CABLES1: variants seen among roughly 807,000 people sequenced by gnomAD.
CABLES1 encodes the protein Cdk5 and Abl enzyme substrate 1.
CABLES1 carries 36 observed loss-of-function variants against 57.8 expected under a neutral mutation model. That is an observed-to-expected ratio of 0.62 (90% CI 0.48 to 0.82). CABLES1 has a LOEUF of 0.82. CABLES1 is among the 40% of genes least tolerant of loss of function. The probability of loss-of-function intolerance (pLI) is 0.00; values close to 1 mark genes in which losing one functional copy is unlikely to be tolerated. For missense variants in CABLES1, 767 were observed against 836.6 expected (o/e 0.92, Z 1.03); for synonymous variants, 374 against 363.0 (o/e 1.03, Z -0.35).
intron 9 of CABLES1, among the ~76,000 whole-genome samples, chr18:23,256,528 T>C (rs2048171092): frequency 6.6e-6 from 1 of 152,228 alleles, no homozygotes; most frequent in Admixed American, 6.5e-5. Context: ...TTGCCCAGGC[T>C]GGAGTTCGGT....
Position 23,168,142 on chromosome 18 carries a change from A to G in CABLES1, c.846-20696A>G, listed in dbSNP as rs561958358. Among the ~76,000 whole-genome samples, 311 of 152,334 alleles carry G rather than the reference A, an allele frequency of 2.0e-3. 1 individual carries two copies. The highest frequency in any genetic ancestry group is 7.1e-3 in the African/African-American group (296 of 41,588). On this transcript the variant is annotated intron_variant, in intron 1 of 9. Coordinates refer to ENST00000256925, the MANE Select transcript of CABLES1 (RefSeq NM_001100619.3). ...TGCCCTTTCAGAGTAGGGAAAAAGC[A>G]GGTGTGGAATTTGCACACCCATGTT...
At chr18:23,184,404 T>C (rs114607271) in intron 1 of CABLES1, among the ~76,000 whole-genome samples, 101 of 151,882 alleles carry the variant, frequency 6.6e-4, no homozygotes, top group African/African-American at 2.3e-3. Context: ...TTATAAACAA[T>C]AGAAATGTAT....
chr18:23,179,024 A>C (rs2145001485), intron 1 of CABLES1, among the ~76,000 whole-genome samples: 1 of 152,306 alleles, frequency 6.6e-6, no homozygotes, highest in East Asian at 1.9e-4. Flanking sequence ...GGTGGCTCAC[A>C]CCAGTAATCC....
At position 23,225,162 on chromosome 18, in the gene CABLES1, C is replaced by T. The variant is rs535177659; in HGVS notation, c.1089-9446C>T. ...GATTACAGGTGTGAGCCACCGTGCC[C>T]GGCCATCACAGAGCTATTATGTTGC... On this transcript the variant is annotated intron_variant, in intron 4 of 9. Transcript: ENST00000256925. 6.6e-5 allele frequency among the ~76,000 whole-genome samples: 10 copies of T among 152,320 alleles called. No individual in the cohort carries two copies. In the South Asian group the frequency reaches 1.2e-3, roughly 19 times the overall value.
Position 23,246,602 on chromosome 18 carries a change from A to G in CABLES1, c.1447-6358A>G, listed in dbSNP as rs375686556. ...GAGATGGGGTTTCACCGTGTTAGCCAGGATGGTCTCGATCTCCTGACCTTG... is the reference window on the plus strand; with the variant it reads ...GAGATGGGGTTTCACCGTGTTAGCCGGGATGGTCTCGATCTCCTGACCTTG... On this transcript the variant is annotated intron_variant, in intron 7 of 9. Coordinates refer to ENST00000256925, the MANE Select transcript of CABLES1 (RefSeq NM_001100619.3). 5.6e-4 allele frequency among the ~76,000 whole-genome samples: 85 copies of G among 151,972 alleles called. 1 individual carries two copies. The highest frequency in any genetic ancestry group is 1.9e-3 in the East Asian group (10 of 5,132).
At chr18:23,207,484 ACCTTGCCT>A (rs1163448913) in intron 3 of CABLES1, among the ~76,000 whole-genome samples, 2 of 152,134 alleles carry the variant, frequency 1.3e-5, no homozygotes, top group African/African-American at 4.8e-5. Flanking sequence ...CAGGAAGCCC[ACCTTGCCT>A]CCTTTAGGCT....
At chr18:23,138,694 G>A (rs2046838625) in intron 1 of CABLES1, among the ~76,000 whole-genome samples, 1 of 152,232 alleles carries the variant, frequency 6.6e-6, no homozygotes, top group South Asian at 2.1e-4. Flanking sequence ...ACTTGAATAA[G>A]GCCCGAGGCC....
chr18:23,227,092 CCTTAA>C (rs2047533284), intron 4 of CABLES1: 1 of 152,082 alleles, frequency 6.6e-6, no homozygotes, highest in African/African-American at 2.4e-5. Flanking sequence ...GTGTTTATAT[CCTTAA>C]CTTTTGGCAT....
chr18:23,217,384 G>A (rs1373297911), intron 4 of CABLES1, among the ~76,000 whole-genome samples: 1 of 152,102 alleles, frequency 6.6e-6, no homozygotes, highest in Admixed American at 6.5e-5. Flanking sequence ...TACCCAGCTA[G>A]AAGAGGATTT....
In CABLES1 at chr18:23,248,553, C is replaced by T. The variant is rs552295801; in HGVS notation, c.1447-4407C>T. Among the ~76,000 whole-genome samples, 17 of 114,860 alleles carry T rather than the reference C, an allele frequency of 1.5e-4. No homozygotes were observed. In the South Asian group the frequency reaches 2.7e-3, roughly 19 times the overall value. 75.4% of individuals were successfully genotyped at this position (114,860 alleles called of 152,430 possible). The stretch of plus-strand genomic sequence containing the variant: ...TTTTTTTTTTTAAAAAAAGGCTGGA[C>T]GTGGTGGCTCATGCCTGTAATCCCA... On this transcript the variant is annotated intron_variant, in intron 7 of 9. Coordinates refer to ENST00000256925, the MANE Select transcript of CABLES1 (RefSeq NM_001100619.3).
intron 1 of CABLES1, among the ~76,000 whole-genome samples, chr18:23,158,618 T>C (rs2046981408): frequency 6.6e-6 from 1 of 152,218 alleles, no homozygotes; most frequent in Non-Finnish European, 1.5e-5. Flanking sequence ...GGAGCTTTAT[T>C]TATCCAGTTT....
intron 3 of CABLES1, among the ~76,000 whole-genome samples, chr18:23,205,177 C>G (rs2047353857): frequency 7.2e-6 from 1 of 138,780 alleles, no homozygotes; most frequent in Non-Finnish European, 1.5e-5. Flanking sequence ...GACTTCATTC[C>G]TGACTTTTTT....
intron 9 of CABLES1, among the ~76,000 whole-genome samples, chr18:23,255,426 T>C (rs1441786029): frequency 6.6e-6 from 1 of 152,170 alleles, no homozygotes; most frequent in African/African-American, 2.4e-5. Flanking sequence ...AGGTCGGCGC[T>C]TTACAGATTT....
chr18:23,201,735 C>T (rs962637604), intron 3 of CABLES1, among the ~76,000 whole-genome samples: 1 of 152,164 alleles, frequency 6.6e-6, no homozygotes, highest in African/African-American at 2.4e-5. Flanking sequence ...TGGGATGTAT[C>T]CATGAATAAA....
In CABLES1 at chr18:23,184,989, G is replaced by A. The variant is rs753299598; in HGVS notation, c.846-3849G>A. Among the ~76,000 whole-genome samples the A allele has an allele frequency of 1.3e-4, 20 of 152,146 alleles. 1 individual carries two copies. Among genetic ancestry groups the A allele is most frequent in the Admixed American group, 2.6e-4 (4 of 15,274 alleles). On this transcript the variant is annotated intron_variant, in intron 1 of 9. Coordinates refer to ENST00000256925, the MANE Select transcript of CABLES1 (RefSeq NM_001100619.3). ...ACAGTGGGGGTTATGATTTCAACACGTGAATTTTGAGGGGACACAGATGTT... is the reference window on the plus strand; with the variant it reads ...ACAGTGGGGGTTATGATTTCAACACATGAATTTTGAGGGGACACAGATGTT...
chr18:23,225,935 C>T (rs375090407), intron 4 of CABLES1, among the ~76,000 whole-genome samples: 1 of 152,230 alleles, frequency 6.6e-6, no homozygotes, highest in Admixed American at 6.5e-5. Flanking sequence ...ACTGTGCCAC[C>T]GCCATAGGGC....
intron 3 of CABLES1, among the ~76,000 whole-genome samples, chr18:23,201,385 G>T (rs1170904237): frequency 2.0e-5 from 3 of 152,198 alleles, no homozygotes; most frequent in African/African-American, 7.2e-5. Flanking sequence ...CAGCATGCAT[G>T]TCGTGTCATA....
At chr18:23,209,706 T>C (rs1436821185) in intron 3 of CABLES1, among the ~76,000 whole-genome samples, 2 of 152,184 alleles carry the variant, frequency 1.3e-5, no homozygotes, top group African/African-American at 4.8e-5. Flanking sequence ...GATGAGACCT[T>C]CTCACAACCA....
At chr18:23,152,515 C>CA (rs1413311923) in intron 1 of CABLES1, among the ~76,000 whole-genome samples, 1 of 131,824 alleles carries the variant, frequency 7.6e-6, no homozygotes, top group East Asian at 2.3e-4. Flanking sequence ...GAGACGGTCT[C>CA]ACTCTATTTC....
Sources: allele counts gnomAD v4.1 joint callset (sites outside exome capture counted in the v4.1 genomes callset), GRCh38; gene constraint gnomAD v4.1.1; transcripts MANE v1.5; gene names NCBI Gene and HGNC (gene_info 2026-07-23, HGNC 2026-07-21).